Variants in DHX57 observed in about 807,000 individuals in gnomAD.
DHX57 encodes the protein putative ATP-dependent RNA helicase DHX57.
In DHX57, 105 loss-of-function variants were observed where a neutral mutation model predicts 156.2. The ratio of observed to expected loss-of-function variants is 0.67; its 90% confidence interval spans 0.57 to 0.79. The LOEUF (loss-of-function observed/expected upper bound fraction) is 0.79. Ranked by LOEUF, DHX57 falls within the 30% of genes least tolerant of loss-of-function variation. The probability of loss-of-function intolerance (pLI) is 0.00; values close to 1 mark genes in which losing one functional copy is unlikely to be tolerated. For synonymous variants in DHX57, 704 were observed against 595.6 expected (o/e 1.18, Z -2.65); for missense variants, 1,847 against 1,661.9 (o/e 1.11, Z -1.94).
chr2:38,868,093 A>G, intron 2 of DHX57, 89 bp downstream of exon 2: 1 of 1,501,662 alleles, frequency 6.7e-7, no homozygotes, highest in Non-Finnish European at 9.1e-7. Context: ...GAATTACTCG[A>G]CTTTTTTTCC....
intron 2 of DHX57, among the ~76,000 whole-genome samples, chr2:38,864,536 A>G (rs998083272): frequency 1.3e-5 from 2 of 152,086 alleles, no homozygotes; most frequent in African/African-American, 4.8e-5. Context: ...CAGCCTTTCT[A>G]TTTGTAAACT....
intron 21 of DHX57, among the ~76,000 whole-genome samples, chr2:38,812,818 C>T (rs1670324117): frequency 6.7e-6 from 1 of 149,356 alleles, no homozygotes; most frequent in Non-Finnish European, 1.5e-5. Context: ...CAGGCGTGAG[C>T]CATCGTGCCT....
intron 11 of DHX57, among the ~76,000 whole-genome samples, chr2:38,844,923 G>A (rs973042355): frequency 1.3e-5 from 2 of 152,180 alleles, no homozygotes; most frequent in Admixed American, 1.3e-4. Flanking sequence ...TGTCCACAAA[G>A]TGTGAGTGAT....
chr2:38,832,551 A>ATATT (rs1239407307), intron 13 of DHX57, among the ~76,000 whole-genome samples: 1 of 89,354 alleles, frequency 1.1e-5, no homozygotes, highest in African/African-American at 4.0e-5. Flanking sequence ...ATATATATAT[A>ATATT]TTTTTTTTTT....
intron 9 of DHX57, among the ~76,000 whole-genome samples, chr2:38,849,810 C>T (rs560248385): frequency 9.9e-5 from 15 of 152,268 alleles, no homozygotes; most frequent in South Asian, 2.1e-4. Context: ...ACACAGGTAG[C>T]TCCCTCACTT....
intron 5 of DHX57, among the ~76,000 whole-genome samples, chr2:38,860,375 G>A (rs1054544045): frequency 2.0e-5 from 3 of 152,092 alleles, no homozygotes; most frequent in African/African-American, 4.8e-5. Context: ...CTTGAACCTG[G>A]GAGTCAGAGG....
At chr2:38,827,506 AT>A (rs373138879) in intron 14 of DHX57, among the ~76,000 whole-genome samples, 16,306 of 29,302 alleles carry the variant, frequency 0.56, 4,645 homozygotes, top group East Asian at 0.75. Context: ...AAAAAAAAAA[AT>A]ATATATATAT....
chr2:38,856,444 C>G lies in DHX57; in HGVS notation c.1605G>C (p.Gln535His). Residue 535 changes from glutamine (Q) to histidine (H), a missense_variant, in exon 7 of 24, where the codon CAG (glutamine) becomes CAC (histidine). Transcript: ENST00000457308. ...FRMKQASRQFQSILQERQSLP... is the reference protein window; with the variant it reads ...FRMKQASRQFHSILQERQSLP... ...GTGATTGCCTCTCTTGCAGAATGGA[C>G]TGGAACTGTCTGGAAGCCTAATAAA... 1 of 1,609,814 alleles carries G rather than the reference C, an allele frequency of 6.2e-7. No homozygotes were observed. Among genetic ancestry groups the G allele is most frequent in the Non-Finnish European group, 8.5e-7 (1 of 1,179,084 alleles).
chr2:38,819,057 C>T lies in DHX57; in HGVS notation c.3379G>A (p.Ala1127Thr), dbSNP rs748208040. Residue 1127 changes from alanine (A) to threonine (T), a missense_variant, in exon 18 of 24, where the codon GCG (alanine) becomes ACG (threonine). Transcript: ENST00000457308. ...ANSDYLALLQ[A>T]YKGWQLSTKE... ...TTAGGTTATATACTTACCTTATACGCTTGTAGAAGGGCCAGATAATCACTG... is the reference window on the plus strand; with the variant it reads ...TTAGGTTATATACTTACCTTATACGTTTGTAGAAGGGCCAGATAATCACTG... 7.4e-6 allele frequency: 12 copies of T among 1,614,000 alleles called. No individual in the cohort carries two copies. The highest frequency in any genetic ancestry group is 1.7e-5 in the Admixed American group (1 of 59,992).
intron 19 of DHX57, among the ~76,000 whole-genome samples, chr2:38,817,209 G>T (rs1019865338): frequency 2.0e-5 from 3 of 152,120 alleles, no homozygotes; most frequent in African/African-American, 7.2e-5. Flanking sequence ...TGGGATTATA[G>T]GCATGAGCCA....
At chr2:38,860,806 A>G (rs1207772298) in intron 5 of DHX57, among the ~76,000 whole-genome samples, 193 bp downstream of exon 5, 1 of 152,208 alleles carries the variant, frequency 6.6e-6, no homozygotes, top group Non-Finnish European at 1.5e-5. Context: ...CCACAGCAAC[A>G]CAATTGAGCC....
chr2:38,848,271 G>A lies in DHX57; in HGVS notation c.2162C>T (p.Pro721Leu), dbSNP rs1454152535. 1 of 1,587,970 alleles carries A rather than the reference G, an allele frequency of 6.3e-7. No individual in the cohort carries two copies. Among genetic ancestry groups the A allele is most frequent in the Non-Finnish European group, 8.5e-7 (1 of 1,171,044 alleles). The stretch of plus-strand genomic sequence containing the variant: ...ATTTAATGATGCATTTTATTCACCT[G>A]GTATAGTAATAACGGGGCAGGAATT... ...YFNSCPVITI[P>L]GRTFPVDQFF... is the part of the protein sequence containing the mutation. Residue 721 changes from proline to leucine, a missense_variant and splice_region_variant, in exon 10 of 24, where the codon CCA becomes CTA. Pro to Leu is a moderately conservative substitution (Grantham distance 98). Transcript: ENST00000457308.
At chr2:38,840,291 A>G (rs1288363086) in intron 12 of DHX57, among the ~76,000 whole-genome samples, 1 of 152,158 alleles carries the variant, frequency 6.6e-6, no homozygotes, top group Admixed American at 6.5e-5. Context: ...TTTTTCAAAG[A>G]AAAACTAGAA....
At chr2:38,826,354 T>C (rs946786867) in intron 15 of DHX57, among the ~76,000 whole-genome samples, 162 bp downstream of exon 15, 2 of 152,230 alleles carry the variant, frequency 1.3e-5, no homozygotes, top group Non-Finnish European at 2.9e-5. Flanking sequence ...TTAAGGTCCA[T>C]GGTCCTGGCT....
rs932027309 is a variant in DHX57, at chr2:38,828,394, A to T, written c.2585T>A (p.Met862Lys). 1 of 1,613,700 alleles carries T rather than the reference A, an allele frequency of 6.2e-7. No individual in the cohort carries two copies. The highest frequency in any genetic ancestry group is 8.5e-7 in the Non-Finnish European group (1 of 1,179,804). Residue 862 changes from methionine (M) to lysine (K), a missense_variant, in exon 14 of 24, where the codon ATG becomes AAG. Transcript: ENST00000457308. ...VFLPGLAEIK[M>K]LYEQLQSNSL... Reference sequence around the variant, plus strand: ...ATTAGACTGTAGCTGTTCATAAAGCATTTTGATTTCTGCTAGTCCTGGTAA... The same window carrying T: ...ATTAGACTGTAGCTGTTCATAAAGCTTTTTGATTTCTGCTAGTCCTGGTAA...
In DHX57 at chr2:38,842,194, A is replaced by G. The variant is rs181332401; in HGVS notation, c.2425+811T>C. On this transcript the variant is annotated intron_variant, in intron 12 of 23. Coordinates refer to ENST00000457308, the MANE Select transcript of DHX57 (RefSeq NM_198963.3). Reference sequence around the variant, plus strand: ...GCCAAAAATGTATAACCTAAATTTAATCATGGAGAAATACTAAACCCAAAT... The same window carrying G: ...GCCAAAAATGTATAACCTAAATTTAGTCATGGAGAAATACTAAACCCAAAT... 5.9e-5 allele frequency among the ~76,000 whole-genome samples: 9 copies of G among 152,302 alleles called. 1 individual carries two copies. The highest frequency in any genetic ancestry group is 3.3e-4 in the Admixed American group (5 of 15,296).
At chr2:38,842,901 T>C (rs1184617706) in intron 12 of DHX57, 104 bp downstream of exon 12, 9 of 1,241,438 alleles carry the variant, frequency 7.2e-6, no homozygotes, top group Non-Finnish European at 9.1e-6. Context: ...AAAGGCAATG[T>C]AACTATGAAA....
Position 38,855,155 on chromosome 2 carries a change from G to T in DHX57, c.1807C>A (p.Arg603=), listed in dbSNP as rs184647075. ...TCAGCAACAGAGATTGCAGAGATTC[G>T]TCGGGGTTGGGTACAGATGATGTTG... The part of the protein sequence containing the change: ...VANIICTQPR[R]ISAISVAERV... The change falls in exon 8 of 24, where the codon CGA becomes AGA. Residue 603 remains arginine, a synonymous_variant. Transcript: ENST00000457308. 110 of 1,614,088 alleles carry T rather than the reference G, an allele frequency of 6.8e-5. No homozygotes were observed. The East Asian group carries it at 1.1e-3, about 17-fold the overall frequency.
intron 1 of DHX57, among the ~76,000 whole-genome samples, chr2:38,869,812 G>C (rs948731772): frequency 9.2e-5 from 14 of 152,282 alleles, no homozygotes; most frequent in African/African-American, 3.4e-4. Flanking sequence ...AAACACTTAA[G>C]TATAACCCAT....
Sources: allele counts gnomAD v4.1 joint callset (sites outside exome capture counted in the v4.1 genomes callset), GRCh38; gene constraint gnomAD v4.1.1; transcripts MANE v1.5; gene names NCBI Gene and HGNC (gene_info 2026-07-23, HGNC 2026-07-21).